Variants in DLGAP4 observed in about 807,000 individuals in gnomAD.
DLGAP4 encodes the protein DLG associated protein 4.
A neutral mutation model predicts 86.9 loss-of-function variants in DLGAP4; 18 were observed. The ratio of observed to expected loss-of-function variants is 0.21; its 90% CI spans 0.14 to 0.31. The LOEUF (loss-of-function observed/expected upper bound fraction) is 0.31. DLGAP4 is among the 10% of genes least tolerant of loss of function. The probability of loss-of-function intolerance (pLI) is 1.00; values close to 1 mark genes in which losing one functional copy is unlikely to be tolerated. For missense variants in DLGAP4, 1,085 were observed against 1,362.6 expected, an observed-to-expected ratio of 0.80 and a Z score of 3.21; for synonymous variants, 548 against 574.3, an observed-to-expected ratio of 0.95 and a Z score of 0.65.
At chr20:36,362,198 T>G (rs1409920882) in intron 1 of DLGAP4, among the ~76,000 whole-genome samples, 1 of 150,802 alleles carries the variant, frequency 6.6e-6, no homozygotes, top group Non-Finnish European at 1.5e-5. Context: ...GGGCAGAGGT[T>G]GCAGTGAGCC....
chr20:36,522,520 T>TTTTG (rs1020170002), intron 10 of DLGAP4, among the ~76,000 whole-genome samples: 2 of 152,132 alleles, frequency 1.3e-5, no homozygotes, highest in African/African-American at 4.8e-5. Context: ...GGTATGCTCC[T>TTTTG]TTTGTTTGTT....
At chr20:36,437,172 T>C (rs931085604) in intron 4 of DLGAP4, among the ~76,000 whole-genome samples, 1 of 152,154 alleles carries the variant, frequency 6.6e-6, no homozygotes, top group African/African-American at 2.4e-5. Context: ...CATGAGATCC[T>C]CAGGTTGGCC....
chr20:36,432,439 A>C lies in DLGAP4; in HGVS notation c.722A>C (p.Tyr241Ser). Residue 241 changes from tyrosine to serine, a missense_variant, in exon 3 of 13, where the codon TAC becomes TCC. By Grantham distance (144) the Tyr-to-Ser change is moderately radical (BLOSUM62 -2). This residue lies in a region of DLGAP4 where 1,082 missense variants were observed against 1,344.1 expected (regional missense o/e 0.81). Transcript: ENST00000339266. This position sits in a 1 kb window ranked among gnomAD's most constrained non-coding sequence, Gnocchi z 6.5. ...GRQAERSQPR[Y>S]FMHAYNTISG... ...CAGGCAGAACGCAGCCAGCCACGCT[A>C]CTTCATGCACGCCTACAACACCATC... 6.2e-7 allele frequency: 1 copy of C among 1,613,812 alleles called. No individual in the cohort carries two copies. The highest frequency in any genetic ancestry group is 8.5e-7 in the Non-Finnish European group (1 of 1,180,042).
chr20:36,461,730 T>TGTGC (rs1555906097), intron 7 of DLGAP4: 3 of 854,930 alleles, frequency 3.5e-6, no homozygotes. Flanking sequence ...CCTCCCCGTC[T>TGTGC]GTCCGTCCGT....
chr20:36,427,827 C>T (rs565864009), intron 2 of DLGAP4, among the ~76,000 whole-genome samples: 7 of 151,840 alleles, frequency 4.6e-5, no homozygotes, highest in Admixed American at 6.6e-5. Context: ...CCTATAATCC[C>T]GGCTACTAGT....
Position 36,432,814 on chromosome 20 carries a change from C to A in DLGAP4, c.999+98C>A. 6.9e-7 allele frequency: 1 copy of A among 1,452,350 alleles called. No individual in the cohort carries two copies. The highest frequency in any genetic ancestry group is 9.3e-7 in the Non-Finnish European group (1 of 1,072,864). The allele number at this position is 1,452,350 out of a possible 1,614,324, so 90.0% of individuals were successfully genotyped here. On this transcript the variant is annotated intron_variant, in intron 3 of 12. Transcript: ENST00000339266. This position sits in a 1 kb window ranked among gnomAD's most constrained non-coding sequence, Gnocchi z 6.5. ...CACAGATTCACTTGGAAAGTCACTT[C>A]ATTCTGGGCCTCTGTGGCTCAGCTA...
chr20:36,321,719 C>T (rs1305188428), intron 1 of DLGAP4, among the ~76,000 whole-genome samples: 1 of 151,202 alleles, frequency 6.6e-6, no homozygotes, highest in Non-Finnish European at 1.5e-5. Flanking sequence ...GGGGAGGGAG[C>T]GAGGAGGGGG....
Position 36,432,211 on chromosome 20 carries a change from G to A in DLGAP4, c.494G>A (p.Gly165Asp). ...PSLEGTAGKV[G>D]GNGSKKGGME... Reference sequence around the variant, plus strand: ...CTGGAGGGCACAGCGGGCAAGGTCGGTGGCAATGGCAGCAAGAAGGGTGGC... The same window carrying A: ...CTGGAGGGCACAGCGGGCAAGGTCGATGGCAATGGCAGCAAGAAGGGTGGC... Residue 165 changes from glycine to aspartate, a missense_variant, in exon 3 of 13, where the codon GGT becomes GAT. Coordinates refer to ENST00000339266, the MANE Select transcript of DLGAP4 (RefSeq NM_001365621.2). The surrounding 1 kb of genome is among the most constrained non-coding windows in gnomAD (Gnocchi z 6.5). 1 of 1,614,126 alleles carries A rather than the reference G, an allele frequency of 6.2e-7. No homozygotes were observed. The highest frequency in any genetic ancestry group is 8.5e-7 in the Non-Finnish European group (1 of 1,180,024).
intron 2 of DLGAP4, among the ~76,000 whole-genome samples, chr20:36,394,674 G>C (rs1450118431): frequency 2.8e-5 from 4 of 142,892 alleles, no homozygotes; most frequent in South Asian, 2.2e-4. Flanking sequence ...CCAGGTGGCT[G>C]CCTCTGCCAC....
intron 7 of DLGAP4, chr20:36,492,667 G>T (rs1600644572): frequency 6.6e-6 from 1 of 152,226 alleles, no homozygotes; most frequent in Non-Finnish European, 1.5e-5. Flanking sequence ...CTACCCCACA[G>T]ATGGGAACAA....
At chr20:36,335,195 G>A (rs1398748794) in intron 1 of DLGAP4, among the ~76,000 whole-genome samples, 10 of 152,122 alleles carry the variant, frequency 6.6e-5, no homozygotes, top group Admixed American at 1.3e-4. Flanking sequence ...GGACCCTGCC[G>A]TTGAGACCAT....
intron 7 of DLGAP4, among the ~76,000 whole-genome samples, chr20:36,490,014 A>G (rs1368358640): frequency 6.6e-6 from 1 of 151,444 alleles, no homozygotes; most frequent in Non-Finnish European, 1.5e-5. Context: ...CTACACCACC[A>G]CACCCGGCTA....
At chr20:36,462,803 T>C (rs1280768299) in intron 7 of DLGAP4, among the ~76,000 whole-genome samples, 1 of 152,188 alleles carries the variant, frequency 6.6e-6, no homozygotes, top group Non-Finnish European at 1.5e-5. Flanking sequence ...GCTTCTGCTT[T>C]AGTTGCTTGA....
intron 2 of DLGAP4, among the ~76,000 whole-genome samples, chr20:36,373,059 T>G (rs541413798): frequency 1.3e-5 from 2 of 152,290 alleles, no homozygotes; most frequent in East Asian, 3.9e-4. Context: ...AGGGAGATGC[T>G]CAGAAGAGTA....
At chr20:36,392,453 C>A (rs1048975399) in intron 2 of DLGAP4, among the ~76,000 whole-genome samples, 1 of 152,120 alleles carries the variant, frequency 6.6e-6, no homozygotes, top group African/African-American at 2.4e-5. Flanking sequence ...CTCACTGCAA[C>A]CTCCACCTCC....
At chr20:36,413,548 C>T (rs773926152) in intron 2 of DLGAP4, among the ~76,000 whole-genome samples, 8 of 150,658 alleles carry the variant, frequency 5.3e-5, no homozygotes, top group Admixed American at 2.0e-4. Flanking sequence ...TCCCAAGTAG[C>T]TGGACTACAG....
At chr20:36,413,723 C>G (rs760706445) in intron 2 of DLGAP4, among the ~76,000 whole-genome samples, 2 of 152,086 alleles carry the variant, frequency 1.3e-5, no homozygotes, top group Non-Finnish European at 2.9e-5. Flanking sequence ...CCGGCCTATT[C>G]TGGACATTTC....
chr20:36,504,469 T>C (rs1298600674), intron 10 of DLGAP4, among the ~76,000 whole-genome samples: 7 of 152,346 alleles, frequency 4.6e-5, no homozygotes, highest in South Asian at 4.1e-4. Flanking sequence ...GTAATGCAGC[T>C]ATGAAGACTG....
At chr20:36,444,093 T>C (rs1247734415) in intron 6 of DLGAP4, among the ~76,000 whole-genome samples, 1 of 152,192 alleles carries the variant, frequency 6.6e-6, no homozygotes, top group Non-Finnish European at 1.5e-5. Context: ...CAAGGGTCTC[T>C]TCATAACTTC....
Sources: gnomAD v4.1 joint callset for allele counts (sites outside exome capture counted in the v4.1 genomes callset) on GRCh38, gnomAD v4.1.1 for gene constraint, gnomAD v4.1.1 regional missense constraint, Gnocchi (gnomAD v3.1) non-coding constraint, MANE v1.5 for transcripts, NCBI Gene and HGNC (gene_info 2026-07-23, HGNC 2026-07-21) for gene names.